UNC13C: variants seen among roughly 807,000 people sequenced by gnomAD.
UNC13C encodes protein unc-13 homolog C.
A neutral mutation model predicts 245.4 loss-of-function variants in UNC13C; 174 were observed. That is an observed-to-expected ratio of 0.71 (90% CI 0.63 to 0.80). UNC13C has a LOEUF of 0.80. Among genes scored for constraint, UNC13C ranks in the 30% least tolerant of loss-of-function variants. UNC13C has a pLI of 0.00. For synonymous variants in UNC13C, 992 were observed against 895.1 expected, an observed-to-expected ratio of 1.11 and a Z score of -1.93; for missense variants, 2,829 against 2,602.9, an observed-to-expected ratio of 1.09 and a Z score of -1.89.
At chr15:54,560,549 T>C (rs1897260794) in intron 29 of UNC13C, among the ~76,000 whole-genome samples, 1 of 151,944 alleles carries the variant, frequency 6.6e-6, no homozygotes, top group African/African-American at 2.4e-5. Context: ...AAAATGATAC[T>C]TCATATATAG....
intron 19 of UNC13C, among the ~76,000 whole-genome samples, chr15:54,483,607 T>G (rs949902512): frequency 6.6e-6 from 1 of 152,166 alleles, no homozygotes; most frequent in Non-Finnish European, 1.5e-5. Context: ...GCCATTCACC[T>G]GCCTCAGCCT....
intron 17 of UNC13C, among the ~76,000 whole-genome samples, chr15:54,384,415 ACT>A (rs1192406648): frequency 6.6e-6 from 1 of 151,998 alleles, no homozygotes; most frequent in Non-Finnish European, 1.5e-5. Flanking sequence ...GGGAAAGCAC[ACT>A]CTCTTCATTA....
intron 2 of UNC13C, among the ~76,000 whole-genome samples, chr15:54,119,553 G>A (rs1012878697): frequency 8.6e-5 from 13 of 151,876 alleles, no homozygotes; most frequent in African/African-American, 2.9e-4. Flanking sequence ...TTGAAATTAG[G>A]CCAATTAGTA....
chr15:53,879,943 G>T, the UNC13C span, among the ~76,000 whole-genome samples: 1 of 139,284 alleles, frequency 7.2e-6, no homozygotes, highest in Admixed American at 7.3e-5. Flanking sequence ...ATCATGCTGC[G>T]TGTGTGTGTT....
the UNC13C span, among the ~76,000 whole-genome samples, chr15:53,946,552 C>G: frequency 2.0e-5 from 3 of 150,300 alleles, no homozygotes; most frequent in African/African-American, 7.4e-5. Context: ...GAAACCCTGT[C>G]TCTACTAAAA....
chr15:54,418,560 A>C (rs1028126238), intron 19 of UNC13C, among the ~76,000 whole-genome samples: 2 of 152,074 alleles, frequency 1.3e-5, no homozygotes, highest in Non-Finnish European at 2.9e-5. Context: ...GCTTTCGAAG[A>C]GATTAGACAC....
the UNC13C span, among the ~76,000 whole-genome samples, chr15:53,843,632 T>A: frequency 1.3e-5 from 2 of 151,984 alleles, no homozygotes; most frequent in African/African-American, 4.8e-5. Context: ...TACTATGTTG[T>A]ATATGTGGAG....
chr15:54,021,045 T>C (rs1382703711), intron 2 of UNC13C, among the ~76,000 whole-genome samples: 2 of 152,192 alleles, frequency 1.3e-5, no homozygotes, highest in Non-Finnish European at 2.9e-5. Flanking sequence ...ACATTTTTAT[T>C]TGACAGTAAC....
chr15:54,029,773 G>A (rs1161784019), intron 2 of UNC13C, among the ~76,000 whole-genome samples: 7 of 152,102 alleles, frequency 4.6e-5, no homozygotes, highest in East Asian at 1.9e-4. Context: ...AGAGGTTCCC[G>A]GGACCCTATG....
At chr15:54,570,561 T>G (rs1271606711) in intron 30 of UNC13C, among the ~76,000 whole-genome samples, 1 of 152,194 alleles carries the variant, frequency 6.6e-6, no homozygotes, top group Non-Finnish European at 1.5e-5. Context: ...TCTTCTCAGT[T>G]AGTGAATCCA....
chr15:54,139,340 C>T (rs931753095), intron 2 of UNC13C, among the ~76,000 whole-genome samples: 6 of 151,964 alleles, frequency 3.9e-5, no homozygotes, highest in Non-Finnish European at 7.4e-5. Flanking sequence ...TTAACTAGTT[C>T]CGTCTGCAGT....
chr15:54,223,042 GT>G (rs1452586985), intron 4 of UNC13C, among the ~76,000 whole-genome samples: 1 of 152,026 alleles, frequency 6.6e-6, no homozygotes, highest in Non-Finnish European at 1.5e-5. Context: ...CATTATGTGG[GT>G]TGTCTCTTCA....
the UNC13C span, among the ~76,000 whole-genome samples, chr15:53,926,134 T>TG: frequency 6.6e-6 from 1 of 151,772 alleles, no homozygotes; most frequent in Non-Finnish European, 1.5e-5. Flanking sequence ...TTTTTTTCAA[T>TG]GGGGTTAGTA....
At chr15:54,210,218 A>G (rs1053015497) in intron 4 of UNC13C, among the ~76,000 whole-genome samples, 6 of 131,520 alleles carry the variant, frequency 4.6e-5, no homozygotes, top group Middle Eastern at 8.8e-3. Context: ...AAATATATAT[A>G]TATATAGTTA....
At chr15:54,403,857 AT>A in intron 18 of UNC13C, among the ~76,000 whole-genome samples, 1 of 152,110 alleles carries the variant, frequency 6.6e-6, no homozygotes, top group East Asian at 1.9e-4. Context: ...AAAAAGGGTG[AT>A]TGGCTTCAAA....
At chr15:54,048,337 C>T (rs1849734743) in intron 2 of UNC13C, among the ~76,000 whole-genome samples, 2 of 152,166 alleles carry the variant, frequency 1.3e-5, no homozygotes, top group Admixed American at 6.5e-5. Flanking sequence ...TACCAAATGT[C>T]TCCAAAAACT....
intron 10 of UNC13C, among the ~76,000 whole-genome samples, chr15:54,267,702 C>G (rs908603544): frequency 7.2e-5 from 11 of 151,874 alleles, no homozygotes; most frequent in African/African-American, 2.7e-4. Flanking sequence ...AATATTTTTT[C>G]AACTCATTTG....
At chr15:54,407,065 C>T in intron 18 of UNC13C, among the ~76,000 whole-genome samples, 1 of 151,992 alleles carries the variant, frequency 6.6e-6, no homozygotes, top group South Asian at 2.1e-4. Context: ...GCAGGATAGT[C>T]ATATTAATGA....
the UNC13C span, among the ~76,000 whole-genome samples, chr15:53,888,903 G>T: frequency 6.6e-6 from 1 of 152,052 alleles, no homozygotes; most frequent in Non-Finnish European, 1.5e-5. Context: ...TGTTCCATTG[G>T]TCTAAATATC....
Sources: allele counts gnomAD v4.1 joint callset (sites outside exome capture counted in the v4.1 genomes callset), GRCh38; gene constraint gnomAD v4.1.1; transcripts MANE v1.5; gene names NCBI Gene and HGNC (gene_info 2026-07-23, HGNC 2026-07-21).